Variants in CDK6 observed in about 807,000 individuals in gnomAD.
CDK6 encodes cyclin dependent kinase 6.
Under a neutral mutation model 37.1 loss-of-function variants are expected in CDK6, and 6 were observed. The ratio of observed to expected loss-of-function variants is 0.16; its 90% CI spans 0.09 to 0.32. The LOEUF is 0.32. Among genes scored for constraint, CDK6 ranks in the 10% least tolerant of loss-of-function variants. The pLI is 1.00. For synonymous variants in CDK6, 160 were observed against 161.3 expected (o/e 0.99, Z 0.06); for missense variants, 224 against 418.9 (o/e 0.53, Z 4.06).
In CDK6 at chr7:92,687,358, C is replaced by T. The variant is rs200127281; in HGVS notation, c.538-15823G>A. ...AATGCTTAGTGCAATATCTGACACA[C>T]GGCAAGCATTCAATGACTATTTGTT... is the stretch of plus-strand genomic sequence containing the variant. On this transcript the variant is annotated intron_variant, in intron 4 of 7. Transcript: ENST00000424848. Among the ~76,000 whole-genome samples the T allele has an allele frequency of 7.2e-5, 11 of 152,258 alleles. No homozygotes were observed. In the East Asian group the frequency reaches 1.7e-3, roughly 24 times the overall value.
chr7:92,620,548 T>C (rs1486767303), intron 6 of CDK6, among the ~76,000 whole-genome samples: 1 of 152,230 alleles, frequency 6.6e-6, no homozygotes, highest in East Asian at 1.9e-4. Flanking sequence ...AAACTATTGT[T>C]TCACTTTTAA....
chr7:92,706,641 T>G (rs1797974381), intron 4 of CDK6, among the ~76,000 whole-genome samples: 1 of 152,234 alleles, frequency 6.6e-6, no homozygotes, highest in South Asian at 2.1e-4. Context: ...CATCCTCAAC[T>G]ACTTGCCTAG....
rs1795493132 is a variant in CDK6, at chr7:92,608,826, A to G, written c.*6314T>C. 8.6e-6 allele frequency: 2 copies of G among 231,894 alleles called. No homozygotes were observed. Among genetic ancestry groups the G allele is most frequent in the East Asian group, 1.2e-4 (2 of 16,484 alleles). 14.4% of individuals were successfully genotyped at this position (231,894 alleles called of 1,614,324 possible). A position where few individuals can be genotyped will look rare whatever the true frequency, so the allele number is the denominator to read the frequency against. On this transcript the variant is annotated 3_prime_UTR_variant, in exon 8 of 8. Coordinates refer to ENST00000424848, the MANE Select transcript of CDK6 (RefSeq NM_001145306.2). Reference sequence around the variant, plus strand: ...TTTCAGGCACCGGCAGGTGAGTGGGAGGCGGGGCCCCAGCCCGGCCTCGCC... The same window carrying G: ...TTTCAGGCACCGGCAGGTGAGTGGGGGGCGGGGCCCCAGCCCGGCCTCGCC...
intron 5 of CDK6, among the ~76,000 whole-genome samples, chr7:92,647,167 T>C (rs1796472042): frequency 6.6e-6 from 1 of 152,214 alleles, no homozygotes; most frequent in South Asian, 2.1e-4. Context: ...CATGCTCTGT[T>C]AGGTACTAGT....
intron 3 of CDK6, among the ~76,000 whole-genome samples, chr7:92,771,013 C>T (rs1799701216): frequency 1.3e-5 from 2 of 151,912 alleles, no homozygotes; most frequent in Admixed American, 1.3e-4. Flanking sequence ...AAGAGGTGGG[C>T]GGATCTCGAG....
intron 2 of CDK6, among the ~76,000 whole-genome samples, chr7:92,795,525 A>G (rs1198454861): frequency 2.0e-5 from 3 of 152,102 alleles, no homozygotes; most frequent in African/African-American, 7.2e-5. Flanking sequence ...ATTTTGAGAA[A>G]TTTCCAAGGA....
chr7:92,677,438 C>T (rs564559508), intron 4 of CDK6, among the ~76,000 whole-genome samples: 2 of 151,960 alleles, frequency 1.3e-5, no homozygotes, highest in African/African-American at 4.8e-5. Context: ...GGCAGCATGG[C>T]GAAACCCTGT....
At position 92,717,353 on chromosome 7, in the gene CDK6, G is replaced by A. The variant is rs1362326209; in HGVS notation, c.537+8273C>T. ...CAAGACCTGGTCAAGGAAAGGAAAGGGGAAAGGAAAGGGAAAGGGGAAGGA... is the reference window on the plus strand; with the variant it reads ...CAAGACCTGGTCAAGGAAAGGAAAGAGGAAAGGAAAGGGAAAGGGGAAGGA... On this transcript the variant is annotated intron_variant, in intron 4 of 7. Transcript: ENST00000424848. Among the ~76,000 whole-genome samples, 3 of 149,104 alleles carry A rather than the reference G, an allele frequency of 2.0e-5. No individual in the cohort carries two copies. The East Asian group carries it at 6.0e-4, about 30-fold the overall frequency.
At chr7:92,773,617 C>T (rs1003237501) in intron 3 of CDK6, among the ~76,000 whole-genome samples, 3 of 152,230 alleles carry the variant, frequency 2.0e-5, no homozygotes, top group Middle Eastern at 3.4e-3. Flanking sequence ...ATTTGGAGGG[C>T]CTTAATGTCC....
In CDK6 at chr7:92,615,158, C is replaced by T. The variant is rs146714729; in HGVS notation, c.963G>A (p.Ser321=). The change falls in exon 8 of 8, where the codon TCG becomes TCA. Residue 321 remains serine (S), a synonymous_variant. Transcript: ENST00000424848. The part of the protein sequence containing the change: ...DSHLPPSQNT[S]ELNTA ...TGAGGCCTCAGGCTGTATTCAGCTCCGAGGTGTTCTGGCTGGGCGGCAGGT... is the reference window on the plus strand; with the variant it reads ...TGAGGCCTCAGGCTGTATTCAGCTCTGAGGTGTTCTGGCTGGGCGGCAGGT... 2.4e-5 allele frequency: 39 copies of T among 1,613,722 alleles called. No homozygotes were observed. Among genetic ancestry groups the T allele is most frequent in the African/African-American group, 2.7e-5 (2 of 74,900 alleles).
chr7:92,706,760 C>T (rs2116672065), intron 4 of CDK6, among the ~76,000 whole-genome samples: 1 of 152,310 alleles, frequency 6.6e-6, no homozygotes, highest in South Asian at 2.1e-4. Context: ...ATTAATACTG[C>T]CTATACAGTC....
intron 3 of CDK6, among the ~76,000 whole-genome samples, chr7:92,758,604 T>C (rs6970319): frequency 0.045 from 6,905 of 152,282 alleles, 551 homozygotes; most frequent in African/African-American, 0.16. Flanking sequence ...TAGGATTGCC[T>C]TGGCTATTCA....
intron 3 of CDK6, among the ~76,000 whole-genome samples, chr7:92,743,181 G>T (rs2115642319): frequency 6.6e-6 from 1 of 151,810 alleles, no homozygotes; most frequent in East Asian, 1.9e-4. Context: ...TTCGAGACCA[G>T]CCTGGCCAAC....
chr7:92,712,777 C>T (rs1798126165), intron 4 of CDK6, among the ~76,000 whole-genome samples: 1 of 152,102 alleles, frequency 6.6e-6, no homozygotes, highest in South Asian at 2.1e-4. Context: ...AAAGGCATGA[C>T]AGTGGACAGT....
At chr7:92,707,749 T>G (rs1797999470) in intron 4 of CDK6, among the ~76,000 whole-genome samples, 1 of 152,220 alleles carries the variant, frequency 6.6e-6, no homozygotes, top group Admixed American at 6.5e-5. Context: ...ATAAATGTAG[T>G]ATTAGAAAGA....
intron 5 of CDK6, among the ~76,000 whole-genome samples, chr7:92,658,220 C>T (rs979104689): frequency 1.3e-5 from 2 of 152,126 alleles, no homozygotes; most frequent in Non-Finnish European, 2.9e-5. Flanking sequence ...AAAAAATTTG[C>T]ATGTCATTTG....
chr7:92,728,907 C>T (rs1048761334), intron 3 of CDK6, among the ~76,000 whole-genome samples: 4 of 152,082 alleles, frequency 2.6e-5, no homozygotes, highest in Non-Finnish European at 4.4e-5. Flanking sequence ...AATTCAACCA[C>T]GAGTTAGGTT....
At chr7:92,746,791 G>C (rs1799070975) in intron 3 of CDK6, among the ~76,000 whole-genome samples, 1 of 151,900 alleles carries the variant, frequency 6.6e-6, no homozygotes, top group African/African-American at 2.4e-5. Context: ...ATATGATGGG[G>C]GAAATATTTA....
At chr7:92,728,524 A>G (rs1249233246) in intron 3 of CDK6, among the ~76,000 whole-genome samples, 3 of 152,192 alleles carry the variant, frequency 2.0e-5, no homozygotes, top group Admixed American at 6.5e-5. Context: ...GGGACATGCC[A>G]TAATTATTAT....
Sources: gnomAD v4.1 joint callset for allele counts (sites outside exome capture counted in the v4.1 genomes callset) on GRCh38, gnomAD v4.1.1 for gene constraint, MANE v1.5 for transcripts, NCBI Gene and HGNC (gene_info 2026-07-23, HGNC 2026-07-21) for gene names.